MLLT3: variants seen among roughly 807,000 people sequenced by gnomAD.
MLLT3 encodes the protein protein AF-9.
MLLT3 carries 4 observed loss-of-function variants against 53.2 expected under a neutral mutation model. The ratio of observed to expected loss-of-function variants is 0.08; its 90% CI spans 0.04 to 0.17. The LOEUF is 0.17. Among genes scored for constraint, MLLT3 ranks in the 10% least tolerant of loss-of-function variants. The pLI is 1.00. For missense variants in MLLT3, 569 were observed against 684.0 expected, an observed-to-expected ratio of 0.83 and a Z score of 1.87; for synonymous variants, 283 against 230.6, an observed-to-expected ratio of 1.23 and a Z score of -2.06.
chr9:20,525,113 TAAG>T (rs1174155889), intron 2 of MLLT3, among the ~76,000 whole-genome samples: 1 of 115,776 alleles, frequency 8.6e-6, no homozygotes, highest in African/African-American at 3.5e-5. Flanking sequence ...AAAGTAGAAT[TAAG>T]AAGAAAGACT....
chr9:20,560,359 G>A (rs1819171711), intron 2 of MLLT3, among the ~76,000 whole-genome samples: 1 of 152,036 alleles, frequency 6.6e-6, no homozygotes, highest in African/African-American at 2.4e-5. Flanking sequence ...ACGAAAATTA[G>A]CAAAAGAAAA....
chr9:20,397,018 G>C (rs907615179), intron 5 of MLLT3, among the ~76,000 whole-genome samples: 3 of 152,092 alleles, frequency 2.0e-5, no homozygotes, highest in African/African-American at 7.2e-5. Flanking sequence ...CCAATCCTTT[G>C]ATGCAGAATC....
At chr9:20,354,577 C>T (rs2301548) in intron 9 of MLLT3, among the ~76,000 whole-genome samples, 32,164 of 152,146 alleles carry the variant, frequency 0.21, 7,639 homozygotes, top group African/African-American at 0.58. Flanking sequence ...CCCTTGGCAA[C>T]GTAGGCATCA....
At chr9:20,348,184 C>T (rs383220) in intron 10 of MLLT3, among the ~76,000 whole-genome samples, 152,367 of 152,370 alleles carry the variant, frequency 1, 76,182 homozygotes, top group Middle Eastern at 1. Context: ...GTGGATGCAA[C>T]AACAGATGCT....
chr9:20,493,868 A>G (rs1405883709), intron 2 of MLLT3, among the ~76,000 whole-genome samples: 1 of 152,130 alleles, frequency 6.6e-6, no homozygotes, highest in Non-Finnish European at 1.5e-5. Flanking sequence ...GTAACACCAT[A>G]GTTATTTTCC....
intron 2 of MLLT3, among the ~76,000 whole-genome samples, chr9:20,619,373 T>C (rs1416391093): frequency 6.6e-6 from 1 of 152,144 alleles, no homozygotes. Context: ...CTACTTCCCA[T>C]TACATGAGCT....
intron 5 of MLLT3, among the ~76,000 whole-genome samples, chr9:20,377,900 A>C (rs1224965070): frequency 2.0e-5 from 3 of 152,102 alleles, no homozygotes; most frequent in African/African-American, 7.2e-5. Context: ...TTATCAGCTT[A>C]TGAAACAAGG....
rs182743180 is a variant in MLLT3, at chr9:20,603,617, G to C, written c.193+17037C>G. Reference sequence around the variant, plus strand: ...GCTTTTCTACACTTCTTTTTATCAGGACTCTACCATTCTTGATTTAGTTTT... The same window carrying C: ...GCTTTTCTACACTTCTTTTTATCAGCACTCTACCATTCTTGATTTAGTTTT... On this transcript the variant is annotated intron_variant, in intron 2 of 10. Coordinates refer to ENST00000380338, the MANE Select transcript of MLLT3 (RefSeq NM_004529.4). Among the ~76,000 whole-genome samples, 51 of 152,002 alleles carry C rather than the reference G, an allele frequency of 3.4e-4. No homozygotes were observed. The East Asian group carries it at 8.9e-3, about 26-fold the overall frequency.
chr9:20,507,999 T>A (rs1326427826), intron 2 of MLLT3, among the ~76,000 whole-genome samples: 1 of 152,186 alleles, frequency 6.6e-6, no homozygotes, highest in African/African-American at 2.4e-5. Context: ...ATTAATTCAA[T>A]AACATTAAGA....
chr9:20,463,136 C>T (rs1400284117), intron 2 of MLLT3, among the ~76,000 whole-genome samples: 1 of 152,084 alleles, frequency 6.6e-6, no homozygotes, highest in Non-Finnish European at 1.5e-5. Context: ...CAGAGAACCC[C>T]TAGATTTGGA....
At chr9:20,414,626 C>A (rs1399979690) in intron 4 of MLLT3, among the ~76,000 whole-genome samples, 1 of 152,070 alleles carries the variant, frequency 6.6e-6, no homozygotes, top group Admixed American at 6.6e-5. Context: ...AGGTTATTAT[C>A]AAATAATTTA....
At chr9:20,436,309 T>G (rs558924961) in intron 4 of MLLT3, among the ~76,000 whole-genome samples, 1 of 152,278 alleles carries the variant, frequency 6.6e-6, no homozygotes, top group South Asian at 2.1e-4. Flanking sequence ...TCCCCACAGA[T>G]AGGTTGATGC....
At chr9:20,610,546 G>T (rs1334259325) in intron 2 of MLLT3, among the ~76,000 whole-genome samples, 1 of 152,044 alleles carries the variant, frequency 6.6e-6, no homozygotes, top group Non-Finnish European at 1.5e-5. Context: ...TAAAGCCAGG[G>T]ATTCTAAAAC....
chr9:20,380,334 A>T (rs564916998), intron 5 of MLLT3: 1 of 152,088 alleles, frequency 6.6e-6, no homozygotes, highest in Admixed American at 6.6e-5. Flanking sequence ...CACACTGTTC[A>T]ATTAGAACAA....
intron 2 of MLLT3, among the ~76,000 whole-genome samples, chr9:20,506,317 A>C (rs566685367): frequency 6.6e-6 from 1 of 152,292 alleles, no homozygotes; most frequent in East Asian, 1.9e-4. Flanking sequence ...CTGGGATTAC[A>C]GGCGTGAGCC....
rs147259281 is a variant in MLLT3, at chr9:20,420,199, T to C, written c.421-5774A>G. Among the ~76,000 whole-genome samples, 846 of 151,650 alleles carry C rather than the reference T, an allele frequency of 5.6e-3. 10 individuals carry two copies. The highest frequency in any genetic ancestry group is 0.019 in the African/African-American group (771 of 41,340). The stretch of plus-strand genomic sequence containing the variant: ...AAAATATAGGCAAAATTAAGAAAAG[T>C]GAAAAAAGTCACAAATATGAATAAT... On this transcript the variant is annotated intron_variant, in intron 4 of 10. Transcript: ENST00000380338.
At chr9:20,553,669 C>T (rs887153919) in intron 2 of MLLT3, among the ~76,000 whole-genome samples, 5 of 152,158 alleles carry the variant, frequency 3.3e-5, no homozygotes, top group African/African-American at 1.2e-4. Context: ...CTACTATTCA[C>T]TGGACTTCCC....
intron 10 of MLLT3, among the ~76,000 whole-genome samples, chr9:20,351,461 G>C (rs545071404): frequency 2.0e-5 from 3 of 152,178 alleles, no homozygotes; most frequent in South Asian, 4.1e-4. Context: ...CACTTCTCTT[G>C]GTTTGACTGT....
At chr9:20,349,367 C>G (rs144549332) in intron 10 of MLLT3, among the ~76,000 whole-genome samples, 1 of 152,050 alleles carries the variant, frequency 6.6e-6, no homozygotes, top group Non-Finnish European at 1.5e-5. Flanking sequence ...TTATGATTAC[C>G]TTATAAACTG....
Sources: gnomAD v4.1 joint callset for allele counts (sites outside exome capture counted in the v4.1 genomes callset) on GRCh38, gnomAD v4.1.1 for gene constraint, MANE v1.5 for transcripts, NCBI Gene and HGNC (gene_info 2026-07-23, HGNC 2026-07-21) for gene names.